The following ADAMTS13 variants were observed in gnomAD, a reference collection of about 807,000 sequenced individuals.
ADAMTS13 encodes A disintegrin and metalloproteinase with thrombospondin motifs 13.
ADAMTS13 carries 110 observed loss-of-function variants against 155.1 expected under a neutral mutation model. That is an observed-to-expected ratio of 0.71 (90% CI 0.61 to 0.83). The LOEUF is 0.83. ADAMTS13 is among the 40% of genes least tolerant of loss of function. ADAMTS13 has a pLI of 0.00. For missense variants in ADAMTS13, 1,707 were observed against 1,891.7 expected, an observed-to-expected ratio of 0.90 and a Z score of 1.81; for synonymous variants, 758 against 756.4, an observed-to-expected ratio of 1.00 and a Z score of -0.03.
In ADAMTS13 at chr9:133,433,810, T is replaced by C. The variant is rs114785627; in HGVS notation, c.1308+106T>C. On this transcript the variant is annotated intron_variant, in intron 11 of 28. Coordinates refer to ENST00000355699, the MANE Select transcript of ADAMTS13 (RefSeq NM_139027.6). ...CACCAGGACACATTTGAGAAGGACA[T>C]TGGGGCCAGGTGAGGTGGCTTATGC... 2.2e-4 allele frequency: 307 copies of C among 1,388,832 alleles called. 1 individual carries two copies. In the African/African-American group the frequency reaches 3.3e-3, roughly 15 times the overall value. 86.0% of individuals were successfully genotyped at this position (1,388,832 alleles called of 1,614,324 possible).
At chr9:133,417,960 G>A (rs1839777771), upstream of ADAMTS13, 5 of 959,080 alleles carry the variant, frequency 5.2e-6, no homozygotes, top group South Asian at 3.3e-5. Context: ...CCCACCGCAG[G>A]GACCCCGTCC....
chr9:133,446,610 T>C (rs1413307110), intron 21 of ADAMTS13, among the ~76,000 whole-genome samples: 1 of 152,264 alleles, frequency 6.6e-6, no homozygotes, highest in Non-Finnish European at 1.5e-5. Flanking sequence ...ACACTTTGGC[T>C]ATTGTGAATA....
chr9:133,415,252 G>A (rs1839508961), intron 1 of ADAMTS13, among the ~76,000 whole-genome samples: 1 of 152,086 alleles, frequency 6.6e-6, no homozygotes, highest in South Asian at 2.1e-4. Flanking sequence ...TTTTGCACCT[G>A]CTCCTTCATG....
At chr9:133,436,312 C>T (rs587629901) in intron 11 of ADAMTS13, among the ~76,000 whole-genome samples, 3 of 151,842 alleles carry the variant, frequency 2.0e-5, no homozygotes, top group East Asian at 1.9e-4. Context: ...CTCCCCAGAC[C>T]GTGAGGGGAG....
chr9:133,431,989 T>G (rs1840804012), intron 8 of ADAMTS13, among the ~76,000 whole-genome samples: 1 of 151,736 alleles, frequency 6.6e-6, no homozygotes, highest in Non-Finnish European at 1.5e-5. Context: ...TTAGGCCAGG[T>G]GTGGTGGCTC....
chr9:133,456,714 A>G lies in ADAMTS13; in HGVS notation c.3719A>G (p.Tyr1240Cys). 1 of 1,562,746 alleles carries G rather than the reference A, an allele frequency of 6.4e-7. No individual in the cohort carries two copies. The highest frequency in any genetic ancestry group is 8.7e-7 in the Non-Finnish European group (1 of 1,152,760). ...YGSQLAPETF[Y>C]RECDMQLFGP... is the part of the protein sequence containing the mutation. ...AGCCAGCTTGCTCCTGAAACCTTCT[A>G]CAGAGGTATGGCCAGGCCTTCTCCA... The change falls in exon 27 of 29, where the codon TAC becomes TGC. Residue 1240 changes from tyrosine to cysteine, a missense_variant. By Grantham distance (194) the Tyr-to-Cys change is radical. Around this residue, in one of 3 missense-constraint regions of ADAMTS13, gnomAD observed 961 missense variants for 1,107.9 expected, o/e 0.87. Coordinates refer to ENST00000355699, the MANE Select transcript of ADAMTS13 (RefSeq NM_139027.6). This position sits in a 1 kb window ranked among gnomAD's most constrained non-coding sequence, Gnocchi z 4.4.
chr9:133,459,197 G>C lies in ADAMTS13; in HGVS notation c.*17G>C. 6.3e-7 allele frequency: 1 copy of C among 1,595,064 alleles called. No homozygotes were observed. The highest frequency in any genetic ancestry group is 1.1e-5 in the South Asian group (1 of 88,706). On this transcript the variant is annotated 3_prime_UTR_variant, in exon 29 of 29. Transcript: ENST00000355699. ...GGAACCTGAGGGTCATTGAACATTT[G>C]TTCCGTGTCTGGCCAGCCCTGGAGG...
chr9:133,446,953 G>T (rs28479961), intron 21 of ADAMTS13, among the ~76,000 whole-genome samples: 19,801 of 152,196 alleles, frequency 0.13, 1,842 homozygotes, highest in South Asian at 0.21. Context: ...CGCCTCCGGG[G>T]CTCAAGTGAT....
At chr9:133,455,261 ACTC>A (rs1010915627) in intron 24 of ADAMTS13, 21 bp from the exon 25 acceptor site, 11 of 1,598,022 alleles carry the variant, frequency 6.9e-6, no homozygotes, top group South Asian at 6.6e-5. Flanking sequence ...GTCAGCTGTG[ACTC>A]CTCCTCCCCT....
chr9:133,443,526 G>C lies in ADAMTS13; in HGVS notation c.2385G>C (p.Ala795=). 1 of 1,574,712 alleles carries C rather than the reference G, an allele frequency of 6.4e-7. No individual in the cohort carries two copies. The highest frequency in any genetic ancestry group is 8.6e-7 in the Non-Finnish European group (1 of 1,166,578). Residue 795 remains alanine, a synonymous_variant, in exon 19 of 29, where the codon GCG becomes GCC. Coordinates refer to ENST00000355699, the MANE Select transcript of ADAMTS13 (RefSeq NM_139027.6). The part of the protein sequence containing the change: ...CRAGAQQPAV[A]LETCNPQPCP... ...CAGGGGCCCAGCAGCCAGCTGTGGC[G>C]CTGGAAACCTGCAACCCCCAGCCCT...
At position 133,454,490 on chromosome 9, in the gene ADAMTS13, G is replaced by A. The variant is rs1842623114; in HGVS notation, c.3120G>A (p.Val1040=). ...LGTARRSVAC[V]QLDQGQDVEV... ...CTGCTAGACGCTCGGTGGCCTGTGT[G>A]CAGCTCGACCAAGGCCAGGACGTGG... is the stretch of plus-strand genomic sequence containing the variant. The change falls in exon 24 of 29, where the codon GTG becomes GTA. Residue 1040 remains valine, a synonymous_variant. Transcript: ENST00000355699. The A allele has an allele frequency of 1.2e-6, 2 of 1,613,072 alleles. No homozygotes were observed. Among genetic ancestry groups the A allele is most frequent in the Admixed American group, 3.3e-5 (2 of 60,036 alleles).
At position 133,425,285 on chromosome 9, in the gene ADAMTS13, C is replaced by G. The variant is rs1840206272; in HGVS notation, c.331-244C>G. On this transcript the variant is annotated intron_variant, in intron 3 of 28. Coordinates refer to ENST00000355699, the MANE Select transcript of ADAMTS13 (RefSeq NM_139027.6). The surrounding 1 kb of genome is among the most constrained non-coding windows in gnomAD (Gnocchi z 4.6). ...CGTGACCATCTGTGTGCTCTCATCCCCTTGCTTTGGAGTTTGTTTTCCTTG... is the reference window on the plus strand; with the variant it reads ...CGTGACCATCTGTGTGCTCTCATCCGCTTGCTTTGGAGTTTGTTTTCCTTG... Among the ~76,000 whole-genome samples, 1 of 152,318 alleles carries G rather than the reference C, an allele frequency of 6.6e-6. No homozygotes were observed. Among genetic ancestry groups the G allele is most frequent in the Non-Finnish European group, 1.5e-5 (1 of 68,030 alleles).
Position 133,438,336 on chromosome 9 carries a change from A to G in ADAMTS13, c.1675A>G (p.Lys559Glu). 6 of 1,614,034 alleles carry G rather than the reference A, an allele frequency of 3.7e-6. No individual in the cohort carries two copies. The highest frequency in any genetic ancestry group is 5.1e-6 in the Non-Finnish European group (6 of 1,180,010). The change falls in exon 14 of 29, where the codon AAG becomes GAG. Residue 559 changes from lysine to glutamate, a missense_variant. Coordinates refer to ENST00000355699, the MANE Select transcript of ADAMTS13 (RefSeq NM_139027.6). Reference sequence around the variant, plus strand: ...GGACAACAGCACGTGCAGCCCACGGAAGGGCTCTTTCACAGCTGGCAGAGC... The same window carrying G: ...GGACAACAGCACGTGCAGCCCACGGGAGGGCTCTTTCACAGCTGGCAGAGC... ...GGDNSTCSPRKGSFTAGRARE... is the reference protein window; with the variant it reads ...GGDNSTCSPREGSFTAGRARE...
chr9:133,453,711 C>T (rs587615474), intron 23 of ADAMTS13, among the ~76,000 whole-genome samples: 46 of 152,244 alleles, frequency 3.0e-4, no homozygotes, highest in African/African-American at 9.4e-4. Flanking sequence ...GCGATGCACA[C>T]GACAGCCTCC....
upstream of ADAMTS13, chr9:133,417,991 A>C (rs1839782530): frequency 2.8e-6 from 2 of 707,182 alleles, no homozygotes; most frequent in Admixed American, 2.9e-5. Context: ...TCCGGAAGAG[A>C]CCCCGCACGC....
At chr9:133,440,000 G>A (rs1588177335) in intron 15 of ADAMTS13, among the ~76,000 whole-genome samples, 1 of 152,260 alleles carries the variant, frequency 6.6e-6, no homozygotes, top group East Asian at 1.9e-4. Context: ...AGCAAAAGCT[G>A]GACTTCTCTT....
At chr9:133,416,797 C>A (rs3118664) in intron 1 of ADAMTS13, among the ~76,000 whole-genome samples, 69,037 of 151,844 alleles carry the variant, frequency 0.45, 16,029 homozygotes, top group African/African-American at 0.54. Context: ...TGTACAATAG[C>A]GATGATGGAA....
At chr9:133,436,757 A>T (rs1257107537) in intron 11 of ADAMTS13, 72 bp from the exon 12 acceptor site, 2 of 1,002,738 alleles carry the variant, frequency 2.0e-6, no homozygotes, top group African/African-American at 1.6e-5. Flanking sequence ...GTAGGGTGCC[A>T]TGTAGTCTCC....
intron 7 of ADAMTS13, chr9:133,429,610 T>TC (rs1339035853): frequency 9.7e-6 from 3 of 307,932 alleles, no homozygotes; most frequent in South Asian, 6.0e-5. Flanking sequence ...CACCCCTATC[T>TC]CCCCCACCCG....
Sources: allele counts gnomAD v4.1 joint callset (sites outside exome capture counted in the v4.1 genomes callset), GRCh38; gene constraint gnomAD v4.1.1; regional missense constraint gnomAD v4.1.1; non-coding constraint Gnocchi (gnomAD v3.1); transcripts MANE v1.5; gene names NCBI Gene and HGNC (gene_info 2026-07-23, HGNC 2026-07-21).